PLA1A: variants seen among roughly 807,000 people sequenced by gnomAD.
PLA1A encodes the protein phosphatidylserine-specific phospholipase A1alpha.
Under a neutral mutation model 49.4 loss-of-function variants are expected in PLA1A, and 47 were observed. That is an observed-to-expected ratio of 0.95 (90% CI 0.75 to 1.21). The LOEUF is 1.21. Ranked by LOEUF, PLA1A falls within the 50% of genes most tolerant of loss-of-function variation. The pLI is 0.00. For synonymous variants in PLA1A, 224 were observed against 207.9 expected, an observed-to-expected ratio of 1.08 and a Z score of -0.67; for missense variants, 561 against 563.9, an observed-to-expected ratio of 0.99 and a Z score of 0.05.
chr3:119,614,605 C>CA (rs57980425), intron 5 of PLA1A, among the ~76,000 whole-genome samples: 4,028 of 65,916 alleles, frequency 0.061, 213 homozygotes, highest in African/African-American at 0.11. Flanking sequence ...GACTTCGTCT[C>CA]AAAAAAAAAA....
At chr3:119,625,329 T>G (rs1036390376) in intron 9 of PLA1A, 97 bp downstream of exon 9, 1 of 769,016 alleles carries the variant, frequency 1.3e-6, no homozygotes, top group African/African-American at 1.7e-5. Context: ...ACTGTGTGAT[T>G]GCTGATGCAT....
In PLA1A at chr3:119,605,194, A is replaced by G. The variant is rs557209259; in HGVS notation, c.74-1580A>G. Among the ~76,000 whole-genome samples, 65 of 152,350 alleles carry G rather than the reference A, an allele frequency of 4.3e-4. No individual in the cohort carries two copies. The Middle Eastern group carries it at 0.024, about 56-fold the overall frequency. On this transcript the variant is annotated intron_variant, in intron 1 of 10. Coordinates refer to ENST00000273371, the MANE Select transcript of PLA1A (RefSeq NM_015900.4). ...CTCATGTGCTGTGGGAGTTCAAGCCACAGGCTGAAGAGCTTAGGGCCGGCA... is the reference window on the plus strand; with the variant it reads ...CTCATGTGCTGTGGGAGTTCAAGCCGCAGGCTGAAGAGCTTAGGGCCGGCA...
rs1169980504 is a variant in PLA1A, at chr3:119,597,921, C to T, written c.8C>T (p.Pro3Leu). The T allele has an allele frequency of 1.2e-6, 2 of 1,608,544 alleles. No homozygotes were observed. Among genetic ancestry groups the T allele is most frequent in the Non-Finnish European group, 1.7e-6 (2 of 1,176,764 alleles). MPPGPWESCFWVG... is the reference protein window; with the variant it reads MPLGPWESCFWVG... Reference sequence around the variant, plus strand: ...GAGATTTCCAGCTCAGCGATGCCCCCAGGTCCCTGGGAGAGCTGCTTCTGG... The same window carrying T: ...GAGATTTCCAGCTCAGCGATGCCCCTAGGTCCCTGGGAGAGCTGCTTCTGG... The change falls in exon 1 of 11, where the codon CCA (proline) becomes CTA (leucine). Residue 3 changes from proline to leucine, a missense_variant. Pro to Leu is a moderately conservative substitution (Grantham distance 98). Transcript: ENST00000273371.
chr3:119,625,908 G>A (rs995934897), intron 9 of PLA1A, among the ~76,000 whole-genome samples: 1 of 152,162 alleles, frequency 6.6e-6, no homozygotes, highest in East Asian at 1.9e-4. Context: ...CATGGTGCAT[G>A]CTTCTTTAAA....
At chr3:119,603,627 A>T (rs1470495795) in intron 1 of PLA1A, among the ~76,000 whole-genome samples, 3 of 152,208 alleles carry the variant, frequency 2.0e-5, no homozygotes, top group East Asian at 3.8e-4. Flanking sequence ...TGTAAGTTAC[A>T]CATTTTTCCC....
At chr3:119,608,723 T>G in intron 2 of PLA1A, 47 bp from the exon 3 acceptor site, 1 of 1,408,890 alleles carries the variant, frequency 7.1e-7, no homozygotes, top group Non-Finnish European at 1.0e-6. Flanking sequence ...ACAATGAATA[T>G]CCACTTGGCA....
At chr3:119,606,714 C>T in intron 1 of PLA1A, 60 bp from the exon 2 acceptor site, 1 of 1,377,224 alleles carries the variant, frequency 7.3e-7, no homozygotes, top group Non-Finnish European at 1.0e-6. Context: ...CATCTTTCTT[C>T]CTTCTAAGAA....
At chr3:119,601,714 A>G (rs2082620638) in intron 1 of PLA1A, among the ~76,000 whole-genome samples, 1 of 152,226 alleles carries the variant, frequency 6.6e-6, no homozygotes, top group South Asian at 2.1e-4. Context: ...GGTTAGGACT[A>G]GGTCCTCTAG....
intron 1 of PLA1A, among the ~76,000 whole-genome samples, chr3:119,602,019 G>T (rs1475777502): frequency 1.3e-5 from 2 of 152,016 alleles, no homozygotes; most frequent in Non-Finnish European, 2.9e-5. Flanking sequence ...AGCAAACCTT[G>T]CTGGGCCATG....
In PLA1A at chr3:119,624,217, G is replaced by T. The variant is rs1468189948; in HGVS notation, c.1013-907G>T. 2.6e-5 allele frequency among the ~76,000 whole-genome samples: 4 copies of T among 152,304 alleles called. No homozygotes were observed. In the East Asian group the frequency reaches 7.7e-4, roughly 29 times the overall value. On this transcript the variant is annotated intron_variant, in intron 8 of 10. Transcript: ENST00000273371. ...TCTGCTCCCAAGAAGGTGCTTTGCT[G>T]TTGCATTCTCCAGAGGGGACAGATA...
chr3:119,608,284 GAA>G (rs1291166627), intron 2 of PLA1A, among the ~76,000 whole-genome samples: 3 of 150,006 alleles, frequency 2.0e-5, no homozygotes, highest in Non-Finnish European at 3.0e-5. Flanking sequence ...AAGAAAGAAA[GAA>G]AGAAAGAAAG....
At chr3:119,619,916 T>C (rs1301110357) in intron 8 of PLA1A, among the ~76,000 whole-genome samples, 1 of 152,218 alleles carries the variant, frequency 6.6e-6, no homozygotes, top group Non-Finnish European at 1.5e-5. Context: ...GTCTTCTCTC[T>C]CGAGTGATGT....
chr3:119,610,538 G>A (rs1340025384), intron 4 of PLA1A, among the ~76,000 whole-genome samples: 1 of 151,980 alleles, frequency 6.6e-6, no homozygotes, highest in Non-Finnish European at 1.5e-5. Context: ...GGTGTGAGAT[G>A]GTATATCATG....
chr3:119,618,544 A>G (rs1430617347), intron 7 of PLA1A, among the ~76,000 whole-genome samples: 1 of 152,100 alleles, frequency 6.6e-6, no homozygotes, highest in Non-Finnish European at 1.5e-5. Context: ...CCCTAAATCT[A>G]TGGTGGGGAA....
At position 119,629,444 on chromosome 3, in the gene PLA1A, T is replaced by C. The variant is rs1156750049; in HGVS notation, c.1347T>C (p.Cys449=). 6.2e-7 allele frequency: 1 copy of C among 1,608,480 alleles called. No individual in the cohort carries two copies. Among genetic ancestry groups the C allele is most frequent in the Non-Finnish European group, 8.5e-7 (1 of 1,175,332 alleles). The change falls in exon 11 of 11, where the codon TGT becomes TGC. Residue 449 remains cysteine, a synonymous_variant. Coordinates refer to ENST00000273371, the MANE Select transcript of PLA1A (RefSeq NM_015900.4). ...TACAAGCAAGTGTGACTGTTTCCTGTGACCTGAAGATAGCCTGTGTGTAGT... is the reference window on the plus strand; with the variant it reads ...TACAAGCAAGTGTGACTGTTTCCTGCGACCTGAAGATAGCCTGTGTGTAGT... ...VNLQASVTVS[C]DLKIACV is the part of the protein sequence containing the mutation.
At chr3:119,603,367 G>T (rs2082643246) in intron 1 of PLA1A, among the ~76,000 whole-genome samples, 1 of 152,180 alleles carries the variant, frequency 6.6e-6, no homozygotes, top group Non-Finnish European at 1.5e-5. Flanking sequence ...ATTGTATGTG[G>T]GATGTGAGAG....
At chr3:119,600,512 T>A (rs2082604362) in intron 1 of PLA1A, 1 of 668,350 alleles carries the variant, frequency 1.5e-6, no homozygotes. Context: ...CCGCTAGACT[T>A]TGAGCTCCCA....
At chr3:119,603,188 C>A (rs920580286) in intron 1 of PLA1A, among the ~76,000 whole-genome samples, 1 of 150,532 alleles carries the variant, frequency 6.6e-6, no homozygotes, top group East Asian at 1.9e-4. Flanking sequence ...AAAAAAAAAT[C>A]GTGACTGCTG....
At chr3:119,623,883 C>G (rs1331643193) in intron 8 of PLA1A, among the ~76,000 whole-genome samples, 1 of 151,876 alleles carries the variant, frequency 6.6e-6, no homozygotes, top group Non-Finnish European at 1.5e-5. Flanking sequence ...TGCCACCATG[C>G]CTGGCTAATT....
Sources: allele counts gnomAD v4.1 joint callset (sites outside exome capture counted in the v4.1 genomes callset), GRCh38; gene constraint gnomAD v4.1.1; transcripts MANE v1.5; gene names NCBI Gene and HGNC (gene_info 2026-07-23, HGNC 2026-07-21).